CDK5RAP3: variants seen among roughly 807,000 people sequenced by gnomAD.
CDK5RAP3 encodes the protein CDK5 regulatory subunit-associated protein 3.
In CDK5RAP3, 58 loss-of-function variants were observed where a neutral mutation model predicts 73.3. The ratio of observed to expected loss-of-function variants is 0.79; its 90% CI spans 0.64 to 0.98. The LOEUF is 0.98. Among genes scored for constraint, CDK5RAP3 ranks in the 50% least tolerant of loss-of-function variants. The pLI, the probability that CDK5RAP3 is intolerant of heterozygous loss-of-function variation, is 0.00. For synonymous variants in CDK5RAP3, 224 were observed against 247.5 expected (o/e 0.91, Z 0.89); for missense variants, 525 against 615.8 (o/e 0.85, Z 1.56).
intron 4 of CDK5RAP3, 157 bp downstream of exon 4, chr17:47,974,188 C>T: frequency 2.8e-6 from 2 of 712,414 alleles, no homozygotes; most frequent in South Asian, 3.5e-5. Flanking sequence ...AAAGTGGATC[C>T]TATCCCTGAG....
chr17:47,977,783 C>A, intron 9 of CDK5RAP3, 49 bp from the exon 10 acceptor site: 1 of 1,517,022 alleles, frequency 6.6e-7, no homozygotes, highest in Non-Finnish European at 9.1e-7. Flanking sequence ...GGCTCCTTGG[C>A]TCAGGAAAAT....
At position 47,973,454 on chromosome 17, in the gene CDK5RAP3, C is replaced by T. The variant is rs974137018; in HGVS notation, c.53-65C>T. On this transcript the variant is annotated intron_variant, in intron 2 of 13. Coordinates refer to ENST00000338399, the MANE Select transcript of CDK5RAP3 (RefSeq NM_176096.3). ...TAGACTAATTTCAGTGTATTTCACTCGAATTAGTGATGGAATTTTGGTGAT... is the reference window on the plus strand; with the variant it reads ...TAGACTAATTTCAGTGTATTTCACTTGAATTAGTGATGGAATTTTGGTGAT... 12 of 1,573,022 alleles carry T rather than the reference C, an allele frequency of 7.6e-6. 1 individual carries two copies. The African/African-American group carries it at 1.1e-4, about 14-fold the overall frequency.
At position 47,975,987 on chromosome 17, in the gene CDK5RAP3, C is replaced by T; in HGVS notation, c.772C>T (p.Leu258Phe). ...SVVERPHLEE[L>F]PEQVAEDAID... is the part of the protein sequence containing the mutation. The stretch of plus-strand genomic sequence containing the variant: ...GGTGGAACGACCCCACCTCGAGGAG[C>T]TTCCTGAGCAGGTGGCAGAAGATGC... The change falls in exon 8 of 14, where the codon CTT becomes TTT. Residue 258 changes from leucine to phenylalanine, a missense_variant. Around this residue, in one of 2 missense-constraint regions of CDK5RAP3, gnomAD observed 409 missense variants for 429.8 expected, o/e 0.95. Coordinates refer to ENST00000338399, the MANE Select transcript of CDK5RAP3 (RefSeq NM_176096.3). 6.2e-7 allele frequency: 1 copy of T among 1,614,092 alleles called. No individual in the cohort carries two copies. Among genetic ancestry groups the T allele is most frequent in the Middle Eastern group, 1.6e-4 (1 of 6,062 alleles).
intron 11 of CDK5RAP3, chr17:47,980,360 C>T (rs2036522644): frequency 7.5e-6 from 4 of 530,078 alleles, no homozygotes; most frequent in East Asian, 3.5e-5. Context: ...CCTCAAACTC[C>T]TGGGCTCAAG....
At chr17:47,975,080 C>T in intron 5 of CDK5RAP3, 79 bp from the exon 6 acceptor site, 1 of 1,612,850 alleles carries the variant, frequency 6.2e-7, no homozygotes, top group Non-Finnish European at 8.5e-7. Flanking sequence ...TTCACCACCA[C>T]AAAGGATGTG....
chr17:47,971,150 G>C lies in CDK5RAP3; in HGVS notation c.4G>C (p.Glu2Gln). The change falls in exon 1 of 14, where the codon GAG becomes CAG. Residue 2 changes from glutamate (E) to glutamine (Q), a missense_variant and splice_region_variant. By Grantham distance (29) the Glu-to-Gln change is conservative. Around this residue, in one of 2 missense-constraint regions of CDK5RAP3, gnomAD observed 409 missense variants for 429.8 expected, o/e 0.95. Transcript: ENST00000338399. M[E>Q]DHQHVPIDIQ... is the part of the protein sequence containing the mutation. ...CTGAAGCGGAAGTGGAGGAAAGATG[G>C]AGGTGTGGGGACAGGAGCTGGGTGT... 1.3e-6 allele frequency: 2 copies of C among 1,549,452 alleles called. No homozygotes were observed. The highest frequency in any genetic ancestry group is 2.4e-5 in the South Asian group (2 of 83,656).
At chr17:47,976,076 C>A in intron 8 of CDK5RAP3, 63 bp downstream of exon 8, 1 of 1,556,184 alleles carries the variant, frequency 6.4e-7, no homozygotes, top group South Asian at 1.2e-5. Flanking sequence ...CCTCCCCACC[C>A]CCAACAGCCC....
rs138268955 is a variant in CDK5RAP3, at chr17:47,973,040, C to G, written c.53-479C>G. ...ACTGTTCACAACAGAGTCATGTTAT[C>G]TAGTCCTTAGGGCGCTGTAGGTATT... On this transcript the variant is annotated intron_variant, in intron 2 of 13. Transcript: ENST00000338399. 3.3e-4 allele frequency among the ~76,000 whole-genome samples: 51 copies of G among 152,302 alleles called. 1 individual carries two copies. The East Asian group carries it at 9.1e-3, about 27-fold the overall frequency.
intron 2 of CDK5RAP3, among the ~76,000 whole-genome samples, chr17:47,972,159 C>T (rs2036286540): frequency 1.3e-5 from 2 of 151,856 alleles, no homozygotes; most frequent in African/African-American, 2.4e-5. Context: ...GAAGAGGGAC[C>T]TAAGACCCAG....
Position 47,976,157 on chromosome 17 carries a change from C to T in CDK5RAP3, c.798+144C>T, listed in dbSNP as rs944947295. ...CTGTAGGTAGAAGGGCCCAGGAGGC[C>T]CTACTCCTTTATTTTTCTGAGTATA... On this transcript the variant is annotated intron_variant, in intron 8 of 13. Transcript: ENST00000338399. 1.1e-5 allele frequency: 12 copies of T among 1,056,388 alleles called. No homozygotes were observed. The African/African-American group carries it at 1.9e-4, about 17-fold the overall frequency. The allele number at this position is 1,056,388 out of a possible 1,614,324, so 65.4% of individuals were successfully genotyped here.
chr17:47,980,585 G>A lies in CDK5RAP3; in HGVS notation c.1078-8G>A, dbSNP rs202239877. On this transcript the variant is annotated splice_polypyrimidine_tract_variant and splice_region_variant and intron_variant, in intron 11 of 13. Transcript: ENST00000338399. ...TACAGCCTGAACCAATCTTTCTTCT[G>A]TCCTCAGCTTGAGATCTTCTTAGCC... The A allele has an allele frequency of 1.6e-4, 254 of 1,612,104 alleles. No individual in the cohort carries two copies. Among genetic ancestry groups the A allele is most frequent in the Middle Eastern group, 1.3e-3 (6 of 4,772 alleles).
At chr17:47,971,274 G>A (rs759998802) in intron 1 of CDK5RAP3, 88 bp from the exon 2 acceptor site, 1 of 1,544,824 alleles carries the variant, frequency 6.5e-7, no homozygotes, top group Non-Finnish European at 8.8e-7. Flanking sequence ...GGCCCTGCAG[G>A]GTGGTGGTTG....
chr17:47,981,659 CT>C lies in CDK5RAP3; in HGVS notation c.*158del, dbSNP rs1314675312. The C allele has an allele frequency of 6.5e-7, 1 of 1,541,914 alleles. No homozygotes were observed. The highest frequency in any genetic ancestry group is 8.7e-7 in the Non-Finnish European group (1 of 1,148,428). On this transcript the variant is annotated 3_prime_UTR_variant, in exon 14 of 14. Coordinates refer to ENST00000338399, the MANE Select transcript of CDK5RAP3 (RefSeq NM_176096.3). ...GGCACCTGATGGTGATCTTGGCACT[CT>C]CCATGTTCTCTACAAGAAGCTGTGG...
rs779179858 is a variant in CDK5RAP3, at chr17:47,977,925, C to T, written c.988+15C>T. ...AGGAACCCAGGGTAAGTGCACCATCCCCTGCAGCCCTGGCAAAAGTGGGGT... is the reference window on the plus strand; with the variant it reads ...AGGAACCCAGGGTAAGTGCACCATCTCCTGCAGCCCTGGCAAAAGTGGGGT... On this transcript the variant is annotated intron_variant, in intron 10 of 13. Coordinates refer to ENST00000338399, the MANE Select transcript of CDK5RAP3 (RefSeq NM_176096.3). 18 of 1,611,022 alleles carry T rather than the reference C, an allele frequency of 1.1e-5. No homozygotes were observed. The highest frequency in any genetic ancestry group is 1.4e-5 in the Non-Finnish European group (17 of 1,177,966).
intron 2 of CDK5RAP3, among the ~76,000 whole-genome samples, chr17:47,972,032 A>G (rs1254389698): frequency 6.6e-6 from 1 of 151,596 alleles, no homozygotes; most frequent in Admixed American, 6.6e-5. Context: ...ACTAAGTGGC[A>G]CATCTGAATT....
chr17:47,973,907 G>C (rs17617076), intron 3 of CDK5RAP3, 24 bp from the exon 4 acceptor site: 31,006 of 1,583,998 alleles, frequency 0.02, 425 homozygotes, highest in South Asian at 0.037. Context: ...TTTAGTTCTC[G>C]AAATCCCGTC....
upstream of CDK5RAP3, chr17:47,967,998 G>C (rs1424945424): frequency 6.6e-6 from 1 of 152,360 alleles, no homozygotes; most frequent in Non-Finnish European, 1.5e-5. Flanking sequence ...CAACTCACCT[G>C]GGCTGGGTCT....
intron 2 of CDK5RAP3, 33 bp downstream of exon 2, chr17:47,971,440 C>CG (rs773829476): frequency 3.2e-6 from 5 of 1,569,480 alleles, no homozygotes; most frequent in East Asian, 2.3e-5. Flanking sequence ...AGCTGGCTGT[C>CG]GGGGGGAGGC....
At chr17:47,974,855 G>A in intron 5 of CDK5RAP3, 1 of 1,314,520 alleles carries the variant, frequency 7.6e-7, no homozygotes, top group Non-Finnish European at 9.8e-7. Flanking sequence ...TTTGGGTTGG[G>A]TGTAGTATAA....
Sources: allele counts gnomAD v4.1 joint callset (sites outside exome capture counted in the v4.1 genomes callset), GRCh38; gene constraint gnomAD v4.1.1; regional missense constraint gnomAD v4.1.1; transcripts MANE v1.5; gene names NCBI Gene and HGNC (gene_info 2026-07-23, HGNC 2026-07-21).